Variants in COL23A1 observed in about 807,000 individuals in gnomAD.
COL23A1 encodes collagen alpha-1(XXIII) chain.
In COL23A1, 97 loss-of-function variants were observed where a neutral mutation model predicts 99.3. That is an observed-to-expected ratio of 0.98 (90% CI 0.83 to 1.16). The LOEUF (loss-of-function observed/expected upper bound fraction) is 1.16, where lower values mean the gene tolerates loss of function less well. Ranked by LOEUF, COL23A1 falls within the 50% of genes most tolerant of loss-of-function variation. The pLI, the probability that COL23A1 is intolerant of heterozygous loss-of-function variation, is 0.00. For synonymous variants in COL23A1, 320 were observed against 308.2 expected (o/e 1.04, Z -0.40); for missense variants, 762 against 757.4 (o/e 1.01, Z -0.07).
At chr5:178,466,143 C>T (rs1352629629) in intron 2 of COL23A1, among the ~76,000 whole-genome samples, 1 of 152,172 alleles carries the variant, frequency 6.6e-6, no homozygotes, top group African/African-American at 2.4e-5. Context: ...CAAACTCACT[C>T]CCATCTTCGC....
intron 16 of COL23A1, among the ~76,000 whole-genome samples, chr5:178,253,650 T>C (rs528495406): frequency 1.1e-4 from 16 of 151,880 alleles, no homozygotes; most frequent in Admixed American, 2.6e-4. Context: ...GCCCGGCTAA[T>C]TTTTGTATTT....
At chr5:178,580,082 C>G (rs930898581) in intron 1 of COL23A1, among the ~76,000 whole-genome samples, 1 of 152,086 alleles carries the variant, frequency 6.6e-6, no homozygotes, top group African/African-American at 2.4e-5. Context: ...AATCCCAGCA[C>G]TTTGGGAGGC....
At chr5:178,261,031 TG>T (rs999172130) in intron 11 of COL23A1, among the ~76,000 whole-genome samples, 1 of 146,854 alleles carries the variant, frequency 6.8e-6, no homozygotes, top group African/African-American at 2.6e-5. Flanking sequence ...CTGTAGCAAG[TG>T]GGGGATGTCC....
chr5:178,376,848 C>T lies in COL23A1; in HGVS notation c.362-69929G>A, dbSNP rs185075791. Among the ~76,000 whole-genome samples the T allele has an allele frequency of 3.3e-5, 5 of 152,316 alleles. No homozygotes were observed. The East Asian group carries it at 9.7e-4, about 29-fold the overall frequency. ...AAGTGCCAAGGAGGCTAAATTAGGG[C>T]TTAGCAGGACAGGAGTGAAAGGGAA... On this transcript the variant is annotated intron_variant, in intron 2 of 28. Coordinates refer to ENST00000390654, the MANE Select transcript of COL23A1 (RefSeq NM_173465.4).
chr5:178,286,276 T>C (rs1471177349), intron 5 of COL23A1, among the ~76,000 whole-genome samples: 1 of 152,124 alleles, frequency 6.6e-6, no homozygotes. Context: ...CTGCCAGAGC[T>C]GCCTACACAG....
At chr5:178,410,306 C>A (rs1483672889) in intron 2 of COL23A1, among the ~76,000 whole-genome samples, 1 of 152,158 alleles carries the variant, frequency 6.6e-6, no homozygotes, top group African/African-American at 2.4e-5. Context: ...CCAAAGCAAT[C>A]TACAGATTCA....
At chr5:178,240,612 G>A (rs1204276568) in intron 27 of COL23A1, among the ~76,000 whole-genome samples, 2 of 152,236 alleles carry the variant, frequency 1.3e-5, no homozygotes, top group Middle Eastern at 3.2e-3. Flanking sequence ...GCGGGGCTGG[G>A]CCACCCTGCC....
chr5:178,546,476 C>T (rs913732708), intron 2 of COL23A1, among the ~76,000 whole-genome samples: 2 of 152,202 alleles, frequency 1.3e-5, no homozygotes, highest in Non-Finnish European at 2.9e-5. Flanking sequence ...CCTCCCTCCT[C>T]TCTGCTCCCA....
At position 178,426,325 on chromosome 5, in the gene COL23A1, C is replaced by T. The variant is rs184095549; in HGVS notation, c.362-119406G>A. Among the ~76,000 whole-genome samples the T allele has an allele frequency of 1.3e-4, 20 of 152,332 alleles. No homozygotes were observed. The East Asian group carries it at 2.9e-3, about 22-fold the overall frequency. On this transcript the variant is annotated intron_variant, in intron 2 of 28. Coordinates refer to ENST00000390654, the MANE Select transcript of COL23A1 (RefSeq NM_173465.4). ...CCTCTTAGTCTCAACTTCAGCTCAT[C>T]GCTTTTCGTCTTGCATTCTCCCCTT...
intron 2 of COL23A1, among the ~76,000 whole-genome samples, chr5:178,448,390 T>C (rs111406003): frequency 5.8e-5 from 8 of 137,114 alleles, no homozygotes; most frequent in African/African-American, 2.0e-4. Flanking sequence ...GCAGTCCGTT[T>C]TGTTCTGTTA....
chr5:178,455,331 T>C (rs142174349), intron 2 of COL23A1, among the ~76,000 whole-genome samples: 191 of 152,176 alleles, frequency 1.3e-3, no homozygotes, highest in Admixed American at 2.5e-3. Context: ...GAGTGACAGC[T>C]GGGGGCCAGG....
intron 2 of COL23A1, among the ~76,000 whole-genome samples, chr5:178,386,366 G>A (rs1168621629): frequency 1.3e-5 from 2 of 151,944 alleles, no homozygotes; most frequent in Non-Finnish European, 2.9e-5. Flanking sequence ...TTGAACCCAG[G>A]AAGCGGAGGT....
chr5:178,438,788 A>G (rs992749677), intron 2 of COL23A1: 4 of 152,202 alleles, frequency 2.6e-5, no homozygotes, highest in African/African-American at 9.6e-5. Context: ...AAATGCTAGC[A>G]TTAGAAGCAT....
intron 2 of COL23A1, among the ~76,000 whole-genome samples, chr5:178,461,991 C>T (rs934943648): frequency 1.3e-5 from 2 of 152,202 alleles, no homozygotes; most frequent in Non-Finnish European, 2.9e-5. Flanking sequence ...GGCAATCAGA[C>T]GGTGCACTGC....
intron 2 of COL23A1, among the ~76,000 whole-genome samples, chr5:178,357,732 GTGTGTATGTACGTGTA>G (rs1472928636): frequency 3.4e-5 from 3 of 87,058 alleles, no homozygotes; most frequent in African/African-American, 7.3e-5. Flanking sequence ...GTGTGTGTGT[GTGTGTATGTACGTGTA>G]TGTGTGTGTG....
chr5:178,283,161 C>T (rs760862899), intron 5 of COL23A1, among the ~76,000 whole-genome samples: 1 of 152,218 alleles, frequency 6.6e-6, no homozygotes, highest in Non-Finnish European at 1.5e-5. Context: ...GCTGGGATTA[C>T]AGGCGTGAGC....
rs541013949 is a variant in COL23A1 at position 178,306,163 on chromosome 5, C to T, written c.406+712G>A. 6.6e-6 allele frequency among the ~76,000 whole-genome samples: 1 copy of T among 151,742 alleles called. No homozygotes were observed. The highest frequency in any genetic ancestry group is 6.6e-5 in the Admixed American group (1 of 15,242). On this transcript the variant is annotated intron_variant, in intron 3 of 28. Coordinates refer to ENST00000390654, the MANE Select transcript of COL23A1 (RefSeq NM_173465.4). The surrounding 1 kb of genome is among the most constrained non-coding windows in gnomAD (Gnocchi z 4.1). ...CCCGGGTCACAGATGAGGGAGGAAG[C>T]GCAGGGAGGAAGCGCAGCCCAGACA...
At chr5:178,258,945 A>C (rs1581469962) in intron 12 of COL23A1, among the ~76,000 whole-genome samples, 3 of 123,656 alleles carry the variant, frequency 2.4e-5, no homozygotes, top group African/African-American at 3.2e-5. Flanking sequence ...GACGAGTCTC[A>C]CTCTGTCGCC....
intron 12 of COL23A1, among the ~76,000 whole-genome samples, chr5:178,258,723 C>G (rs577075111): frequency 3.4e-4 from 52 of 151,950 alleles, no homozygotes; most frequent in Admixed American, 9.8e-4. Flanking sequence ...GAGACAAGGT[C>G]TCGCGCTGTT....
Sources: gnomAD v4.1 joint callset for allele counts (sites outside exome capture counted in the v4.1 genomes callset) on GRCh38, gnomAD v4.1.1 for gene constraint, Gnocchi (gnomAD v3.1) non-coding constraint, MANE v1.5 for transcripts, NCBI Gene and HGNC (gene_info 2026-07-23, HGNC 2026-07-21) for gene names.